GRIK4: variants seen among roughly 807,000 people sequenced by gnomAD.
GRIK4 encodes glutamate ionotropic receptor kainate type subunit 4.
Under a neutral mutation model 104.9 loss-of-function variants are expected in GRIK4, and 40 were observed. The observed-to-expected ratio is 0.38, with a 90% CI of 0.30 to 0.50. GRIK4 has a LOEUF of 0.50. Ranked by LOEUF, GRIK4 falls within the 20% of genes least tolerant of loss-of-function variation. The probability of loss-of-function intolerance (pLI) is 0.93; values close to 1 mark genes in which losing one functional copy is unlikely to be tolerated. For missense variants in GRIK4, 1,047 were observed against 1,308.1 expected, an observed-to-expected ratio of 0.80 and a Z score of 3.08; for synonymous variants, 485 against 524.9, an observed-to-expected ratio of 0.92 and a Z score of 1.04.
intron 3 of GRIK4, among the ~76,000 whole-genome samples, chr11:120,697,023 T>G (rs1336296033): frequency 6.6e-6 from 1 of 152,184 alleles, no homozygotes; most frequent in East Asian, 1.9e-4. Context: ...TTATGTTTCT[T>G]CTTATGAATG....
intron 3 of GRIK4, among the ~76,000 whole-genome samples, chr11:120,799,344 TGA>T (rs1474562816): frequency 2.6e-5 from 4 of 152,158 alleles, no homozygotes; most frequent in Non-Finnish European, 5.9e-5. Context: ...GGGAGTTACC[TGA>T]GAGAGTTTTC....
At chr11:120,764,119 T>C (rs911614120) in intron 3 of GRIK4, among the ~76,000 whole-genome samples, 2 of 152,224 alleles carry the variant, frequency 1.3e-5, no homozygotes, top group Non-Finnish European at 2.9e-5. Context: ...TTTATGAATC[T>C]GGGTGCTCCT....
At chr11:120,639,351 C>G (rs1949441212) in intron 1 of GRIK4, among the ~76,000 whole-genome samples, 1 of 152,236 alleles carries the variant, frequency 6.6e-6, no homozygotes, top group Non-Finnish European at 1.5e-5. Context: ...CTGGAACCAT[C>G]TGAGCTCTGG....
chr11:120,817,391 G>A (rs1952989791), intron 5 of GRIK4, among the ~76,000 whole-genome samples: 2 of 152,210 alleles, frequency 1.3e-5, no homozygotes, highest in South Asian at 4.1e-4. Context: ...CCTTTGTCTG[G>A]TTATGTTTCT....
In GRIK4 at chr11:120,750,869, A is replaced by G. The variant is rs1047144603; in HGVS notation, c.83-51824A>G. On this transcript the variant is annotated intron_variant, in intron 3 of 20. Coordinates refer to ENST00000527524, the MANE Select transcript of GRIK4 (RefSeq NM_014619.5). ...TCAGAAAGTAGGCATTGTTACCCTC[A>G]TCACAGATGAGGAAGTGAAACTCGG... 9.2e-5 allele frequency among the ~76,000 whole-genome samples: 14 copies of G among 152,218 alleles called. 1 individual carries two copies. The highest frequency in any genetic ancestry group is 8.8e-5 in the Non-Finnish European group (6 of 68,040).
At chr11:120,974,156 C>A (rs900116785) in intron 19 of GRIK4, among the ~76,000 whole-genome samples, 7 of 152,206 alleles carry the variant, frequency 4.6e-5, no homozygotes, top group African/African-American at 1.7e-4. Context: ...GATCTGCCCC[C>A]CTTGGCCTCC....
intron 13 of GRIK4, chr11:120,936,380 A>C (rs1943599244): frequency 7.3e-6 from 3 of 408,858 alleles, no homozygotes; most frequent in African/African-American, 2.1e-5. Context: ...TCTTGGGTGC[A>C]TTAGGATCTT....
intron 3 of GRIK4, among the ~76,000 whole-genome samples, chr11:120,678,340 C>G (rs1414624378): frequency 1.3e-5 from 2 of 152,134 alleles, no homozygotes; most frequent in Admixed American, 6.5e-5. Flanking sequence ...AAATTGAGAG[C>G]TGAGGCTGTG....
intron 1 of GRIK4, among the ~76,000 whole-genome samples, chr11:120,608,847 C>T (rs1441984484): frequency 2.0e-5 from 3 of 152,152 alleles, no homozygotes; most frequent in South Asian, 2.1e-4. Context: ...GTGGATAGGC[C>T]TGGCTGGCTG....
At chr11:120,841,916 C>G (rs1156832335) in intron 8 of GRIK4, among the ~76,000 whole-genome samples, 1 of 152,146 alleles carries the variant, frequency 6.6e-6, no homozygotes, top group African/African-American at 2.4e-5. Context: ...GATTAAGAAG[C>G]TTTATAATGA....
chr11:120,833,201 T>C (rs561743972), intron 7 of GRIK4, among the ~76,000 whole-genome samples: 2 of 152,054 alleles, frequency 1.3e-5, no homozygotes, highest in East Asian at 3.9e-4. Flanking sequence ...TATAGTAATC[T>C]TCCAGAGCTC....
At chr11:120,641,168 G>T (rs766864718) in intron 1 of GRIK4, among the ~76,000 whole-genome samples, 1 of 152,226 alleles carries the variant, frequency 6.6e-6, no homozygotes, top group Non-Finnish European at 1.5e-5. Flanking sequence ...GAATGATATG[G>T]CTACTTTAAG....
At chr11:120,579,543 G>A (rs887255803) in intron 1 of GRIK4, among the ~76,000 whole-genome samples, 3 of 152,188 alleles carry the variant, frequency 2.0e-5, no homozygotes, top group Admixed American at 6.5e-5. Context: ...AGATCACTTT[G>A]GAGGAGTTTA....
intron 1 of GRIK4, among the ~76,000 whole-genome samples, chr11:120,579,150 G>A (rs1332557162): frequency 2.0e-5 from 3 of 152,192 alleles, no homozygotes; most frequent in Non-Finnish European, 4.4e-5. Flanking sequence ...CTGTGAACAA[G>A]GCTGCATGAT....
intron 1 of GRIK4, among the ~76,000 whole-genome samples, chr11:120,599,048 C>A (rs1355630374): frequency 6.6e-6 from 1 of 152,218 alleles, no homozygotes; most frequent in Non-Finnish European, 1.5e-5. Context: ...AACACCCACT[C>A]TTCAAAGGCC....
intron 1 of GRIK4, among the ~76,000 whole-genome samples, chr11:120,577,210 C>G (rs964131155): frequency 6.6e-6 from 1 of 152,012 alleles, no homozygotes; most frequent in Non-Finnish European, 1.5e-5. Context: ...GCGGGGCAGG[C>G]ACAGTGCTGT....
intron 1 of GRIK4, chr11:120,564,818 T>C (rs1454838095): frequency 7.3e-6 from 1 of 136,766 alleles, no homozygotes; most frequent in South Asian, 2.2e-4. Flanking sequence ...GGCTCCCGCG[T>C]GGGCCGGCGG....
At chr11:120,601,555 A>C (rs545372456) in intron 1 of GRIK4, among the ~76,000 whole-genome samples, 1 of 151,940 alleles carries the variant, frequency 6.6e-6, no homozygotes, top group South Asian at 2.1e-4. Context: ...GGGGGGGCGC[A>C]AAATTGAGGA....
intron 1 of GRIK4, among the ~76,000 whole-genome samples, chr11:120,515,553 TC>T (rs1277388741): frequency 4.6e-5 from 7 of 152,300 alleles, no homozygotes; most frequent in African/African-American, 1.4e-4. Context: ...AGCCCCCTGC[TC>T]CTACCTGGTA....
Sources: allele counts gnomAD v4.1 joint callset (sites outside exome capture counted in the v4.1 genomes callset), GRCh38; gene constraint gnomAD v4.1.1; transcripts MANE v1.5; gene names NCBI Gene and HGNC (gene_info 2026-07-23, HGNC 2026-07-21).